The following PPFIA2 variants were observed in gnomAD, a reference collection of about 807,000 sequenced individuals.
The protein encoded by PPFIA2 is liprin-alpha-2.
A neutral mutation model predicts 175.5 loss-of-function variants in PPFIA2; 46 were observed. The ratio of observed to expected loss-of-function variants is 0.26; its 90% confidence interval spans 0.21 to 0.34. PPFIA2 has a LOEUF of 0.34. PPFIA2 is among the 10% of genes least tolerant of loss of function. PPFIA2 has a pLI of 1.00. For synonymous variants in PPFIA2, 568 were observed against 511.4 expected (o/e 1.11, Z -1.49); for missense variants, 1,179 against 1,506.1 (o/e 0.78, Z 3.60).
intron 7 of PPFIA2, among the ~76,000 whole-genome samples, chr12:81,426,006 T>C (rs1341588794): frequency 6.6e-6 from 1 of 152,176 alleles, no homozygotes; most frequent in Non-Finnish European, 1.5e-5. Context: ...AATCTTGTCA[T>C]ACCCAATAAA....
intron 32 of PPFIA2, among the ~76,000 whole-genome samples, chr12:81,261,557 A>G (rs372074999): frequency 6.6e-5 from 10 of 152,270 alleles, no homozygotes; most frequent in South Asian, 4.1e-4. Context: ...TTAAATCCCT[A>G]TCCGCTACCT....
rs397838639 is a variant in PPFIA2, at chr12:81,492,233, T to TC, written c.304-34368dup. Among the ~76,000 whole-genome samples, 9 of 152,168 alleles carry TC rather than the reference T, an allele frequency of 5.9e-5. 1 individual carries two copies. The highest frequency in any genetic ancestry group is 2.2e-4 in the African/African-American group (9 of 41,536). On this transcript the variant is annotated intron_variant, in intron 4 of 32. Coordinates refer to ENST00000549396, the MANE Select transcript of PPFIA2 (RefSeq NM_003625.5). Reference sequence around the variant, plus strand: ...AAAAGTCTCAATTACTCTTTTTTTTTCAAAAGTTTATCACATTCCTTCATG... The same window carrying TC: ...AAAAGTCTCAATTACTCTTTTTTTTTCCAAAAGTTTATCACATTCCTTCATG...
chr12:81,261,765 G>C (rs559895946), intron 32 of PPFIA2, among the ~76,000 whole-genome samples, 184 bp downstream of exon 32: 1 of 152,164 alleles, frequency 6.6e-6, no homozygotes, highest in Non-Finnish European at 1.5e-5. Flanking sequence ...GACAGATGGT[G>C]ATAGGAAATG....
intron 3 of PPFIA2, among the ~76,000 whole-genome samples, chr12:81,701,861 T>C (rs1254508860): frequency 8.4e-6 from 1 of 118,858 alleles, no homozygotes; most frequent in Non-Finnish European, 2.1e-5. Flanking sequence ...AACTGAACTC[T>C]TTGTCTCATT....
intron 5 of PPFIA2, among the ~76,000 whole-genome samples, chr12:81,450,013 C>A (rs2145490615): frequency 6.6e-6 from 1 of 152,198 alleles, no homozygotes; most frequent in East Asian, 1.9e-4. Flanking sequence ...TTTATATGTG[C>A]CACATTTTCT....
At chr12:81,261,010 T>C (rs1219344537) in intron 32 of PPFIA2, 3 of 51,642 alleles carry the variant, frequency 5.8e-5, no homozygotes, top group Non-Finnish European at 1.2e-4. Context: ...GTAGCTTTCA[T>C]TAATTGGTAT....
At chr12:81,758,549 C>T in intron 1 of PPFIA2, 42 bp from the exon 2 acceptor site, 2 of 381,794 alleles carry the variant, frequency 5.2e-6, no homozygotes, top group South Asian at 3.7e-5. Flanking sequence ...ACACGCGTGC[C>T]CCGGCGCCCT....
intron 4 of PPFIA2, among the ~76,000 whole-genome samples, chr12:81,647,780 A>ATATAATATATATTATATATAC (rs1473100699): frequency 7.2e-6 from 1 of 138,138 alleles, no homozygotes; most frequent in African/African-American, 2.6e-5. Context: ...TATATATATA[A>ATATAATATATATTATATATAC]TATACATATA....
chr12:81,406,418 G>A (rs1336622984), intron 7 of PPFIA2, among the ~76,000 whole-genome samples: 1 of 151,978 alleles, frequency 6.6e-6, no homozygotes, highest in Non-Finnish European at 1.5e-5. Flanking sequence ...TTGTAATGCT[G>A]TCATGAGCAT....
At chr12:81,467,248 T>C (rs1020431537) in intron 4 of PPFIA2, among the ~76,000 whole-genome samples, 2 of 152,186 alleles carry the variant, frequency 1.3e-5, no homozygotes, top group African/African-American at 2.4e-5. Context: ...TGTTCCTGTG[T>C]TCCTGCAGTA....
chr12:81,515,054 C>T (rs1178518240), intron 4 of PPFIA2, among the ~76,000 whole-genome samples: 1 of 152,046 alleles, frequency 6.6e-6, no homozygotes, highest in East Asian at 1.9e-4. Context: ...GTTTCTATTA[C>T]TGGCATTGCC....
At chr12:81,576,938 T>C (rs976509369) in intron 4 of PPFIA2, among the ~76,000 whole-genome samples, 1 of 151,800 alleles carries the variant, frequency 6.6e-6, no homozygotes, top group Non-Finnish European at 1.5e-5. Flanking sequence ...TCAGCATGAA[T>C]TTTTTTATAA....
intron 6 of PPFIA2, among the ~76,000 whole-genome samples, chr12:81,443,317 C>T (rs2050577119): frequency 6.6e-6 from 1 of 151,944 alleles, no homozygotes. Flanking sequence ...GACTCCAGAG[C>T]CCCAATTCAT....
At chr12:81,608,870 T>G (rs956461374) in intron 4 of PPFIA2, among the ~76,000 whole-genome samples, 1 of 152,000 alleles carries the variant, frequency 6.6e-6, no homozygotes, top group Admixed American at 6.6e-5. Flanking sequence ...CTAGGTCCTT[T>G]CAGTGCAAAG....
chr12:81,671,081 A>T (rs1042694518), intron 4 of PPFIA2, among the ~76,000 whole-genome samples: 1 of 151,898 alleles, frequency 6.6e-6, no homozygotes, highest in Non-Finnish European at 1.5e-5. Flanking sequence ...TTTCCAAATC[A>T]TTCATATATT....
At chr12:81,262,454 A>G (rs1258791113) in intron 31 of PPFIA2, among the ~76,000 whole-genome samples, 7 of 152,320 alleles carry the variant, frequency 4.6e-5, no homozygotes, top group Admixed American at 3.3e-4. Context: ...ACAAGTTGTA[A>G]GAAATGTAGA....
chr12:81,348,150 T>C (rs1018196363), intron 17 of PPFIA2, among the ~76,000 whole-genome samples: 3 of 152,084 alleles, frequency 2.0e-5, no homozygotes, highest in Non-Finnish European at 4.4e-5. Context: ...AACTCAGCCT[T>C]GAGATGGCAA....
At chr12:81,477,865 T>A (rs1396761037) in intron 4 of PPFIA2, among the ~76,000 whole-genome samples, 1 of 152,136 alleles carries the variant, frequency 6.6e-6, no homozygotes, top group Non-Finnish European at 1.5e-5. Flanking sequence ...TGAAATTTTT[T>A]TTTTTTTTAA....
intron 4 of PPFIA2, among the ~76,000 whole-genome samples, chr12:81,643,187 T>A (rs1035104775): frequency 4.0e-5 from 6 of 151,526 alleles, no homozygotes; most frequent in Admixed American, 6.6e-5. Flanking sequence ...CATTCAACAC[T>A]CAATTCAGTT....
Sources: gnomAD v4.1 joint callset for allele counts (sites outside exome capture counted in the v4.1 genomes callset) on GRCh38, gnomAD v4.1.1 for gene constraint, MANE v1.5 for transcripts, NCBI Gene and HGNC (gene_info 2026-07-23, HGNC 2026-07-21) for gene names.